The following MYO5A variants were observed in gnomAD, a reference collection of about 807,000 sequenced individuals.
MYO5A encodes the protein myosin VA.
In MYO5A, 98 loss-of-function variants were observed where a neutral mutation model predicts 249.7. The ratio of observed to expected loss-of-function variants is 0.39; its 90% confidence interval spans 0.33 to 0.46. The LOEUF is 0.46. Among genes scored for constraint, MYO5A ranks in the 20% least tolerant of loss-of-function variants. The probability of loss-of-function intolerance (pLI) is 0.98; values close to 1 mark genes in which losing one functional copy is unlikely to be tolerated. For missense variants in MYO5A, 1,696 were observed against 2,308.8 expected, an observed-to-expected ratio of 0.73 and a Z score of 5.44; for synonymous variants, 778 against 810.6, an observed-to-expected ratio of 0.96 and a Z score of 0.68.
At chr15:52,515,832 G>A (rs556785456) in intron 1 of MYO5A, among the ~76,000 whole-genome samples, 54 of 152,256 alleles carry the variant, frequency 3.5e-4, no homozygotes, top group African/African-American at 1.3e-3. Flanking sequence ...AGGCCACAGT[G>A]GGAGGGAGTG....
At chr15:52,522,836 T>C (rs890542904) in intron 1 of MYO5A, among the ~76,000 whole-genome samples, 3 of 48,312 alleles carry the variant, frequency 6.2e-5, no homozygotes, top group Non-Finnish European at 1.8e-4. Context: ...TTCTCTTTCA[T>C]TATTTAAAAA....
In MYO5A at chr15:52,476,359, G is replaced by A. The variant is rs192785619; in HGVS notation, c.28-43074C>T. 4.5e-4 allele frequency among the ~76,000 whole-genome samples: 69 copies of A among 152,246 alleles called. 1 individual carries two copies. In the East Asian group the frequency reaches 7.1e-3, roughly 16 times the overall value. On this transcript the variant is annotated intron_variant, in intron 1 of 41. Coordinates refer to ENST00000399233, the MANE Select transcript of MYO5A (RefSeq NM_001382347.1). ...GACTCTTTATCAAATTTGCCAGTCT[G>A]TGTCTTTTAATTGGAGCATTTAGCC...
At chr15:52,439,084 G>A (rs997597277) in intron 1 of MYO5A, among the ~76,000 whole-genome samples, 4 of 152,172 alleles carry the variant, frequency 2.6e-5, no homozygotes, top group African/African-American at 9.7e-5. Flanking sequence ...CGTGACCCAC[G>A]GCTTCTAATA....
chr15:52,358,101 C>T (rs2040336423), intron 25 of MYO5A, among the ~76,000 whole-genome samples: 2 of 152,192 alleles, frequency 1.3e-5, no homozygotes, highest in African/African-American at 4.8e-5. Flanking sequence ...AGGAGGAGCA[C>T]TGGTTCCAAA....
At position 52,370,040 on chromosome 15, in the gene MYO5A, A is replaced by G. The variant is rs543342469; in HGVS notation, c.3066+129T>C. On this transcript the variant is annotated intron_variant, in intron 22 of 41. Transcript: ENST00000399233. ...AAATGCTTGGGAAACAGTAATAATG[A>G]ACAGTAATTCAACTAAAATTTGTAC... 335 of 1,208,518 alleles carry G rather than the reference A, an allele frequency of 2.8e-4. 5 individuals are homozygous for G. The South Asian group carries it at 4.0e-3, about 15-fold the overall frequency. The allele number at this position is 1,208,518 out of a possible 1,614,324, so 74.9% of individuals were successfully genotyped here.
intron 18 of MYO5A, among the ~76,000 whole-genome samples, chr15:52,377,773 A>T (rs1386033062): frequency 6.6e-6 from 1 of 151,678 alleles, no homozygotes; most frequent in Non-Finnish European, 1.5e-5. Context: ...GTTTCACCAT[A>T]TTGGCCAGGG....
intron 30 of MYO5A, among the ~76,000 whole-genome samples, chr15:52,343,604 A>AC (rs1161584906): frequency 6.6e-6 from 1 of 152,148 alleles, no homozygotes; most frequent in African/African-American, 2.4e-5. Context: ...ACTTCATAAT[A>AC]TTTTTCAAGA....
Position 52,397,494 on chromosome 15 carries a change from A to G in MYO5A, c.1054-28T>C, listed in dbSNP as rs750632300. 3.1e-6 allele frequency: 5 copies of G among 1,610,360 alleles called. No individual in the cohort carries two copies. In the African/African-American group the frequency reaches 4.0e-5, roughly 13 times the overall value. ...GCCAAAAGATAATGAGTTATTTCCTATGACCAGATAAATCAAGTAAGAATC... is the reference window on the plus strand; with the variant it reads ...GCCAAAAGATAATGAGTTATTTCCTGTGACCAGATAAATCAAGTAAGAATC... On this transcript the variant is annotated intron_variant, in intron 9 of 41. Transcript: ENST00000399233.
chr15:52,501,892 C>CACAG (rs2077167099), intron 1 of MYO5A, among the ~76,000 whole-genome samples: 1 of 151,612 alleles, frequency 6.6e-6, no homozygotes, highest in African/African-American at 2.4e-5. Flanking sequence ...CACACACACA[C>CACAG]ACACACACAC....
rs1011867963 is a variant in MYO5A, at chr15:52,367,313, C to T, written c.3067-189G>A. On this transcript the variant is annotated intron_variant, in intron 22 of 41. Transcript: ENST00000399233. ...CCCTCCCAAGAGCCTTCCTGAAACCCCCTTCAATTAGCTGTCTTTTCCCTG... is the reference window on the plus strand; with the variant it reads ...CCCTCCCAAGAGCCTTCCTGAAACCTCCTTCAATTAGCTGTCTTTTCCCTG... Among the ~76,000 whole-genome samples, 4 of 152,296 alleles carry T rather than the reference C, an allele frequency of 2.6e-5. No homozygotes were observed. The East Asian group carries it at 7.7e-4, about 29-fold the overall frequency.
chr15:52,331,960 G>T, intron 34 of MYO5A: 1 of 773,358 alleles, frequency 1.3e-6, no homozygotes. Flanking sequence ...ATTCTTCCAT[G>T]CAAGAGAAAA....
At chr15:52,363,534 CT>C (rs1436259898) in intron 24 of MYO5A, among the ~76,000 whole-genome samples, 1 of 152,172 alleles carries the variant, frequency 6.6e-6, no homozygotes, top group Non-Finnish European at 1.5e-5. Context: ...TACACAATCT[CT>C]TTTATTTTGA....
intron 1 of MYO5A, among the ~76,000 whole-genome samples, chr15:52,468,827 G>T (rs944019950): frequency 6.6e-6 from 1 of 152,158 alleles, no homozygotes; most frequent in African/African-American, 2.4e-5. Flanking sequence ...GAGCAATTTG[G>T]TAATTTCTTC....
At chr15:52,453,004 C>T (rs1595711530) in intron 1 of MYO5A, among the ~76,000 whole-genome samples, 1 of 151,894 alleles carries the variant, frequency 6.6e-6, no homozygotes, top group African/African-American at 2.4e-5. Context: ...AAGGCTTATT[C>T]AAAGAAATAT....
At chr15:52,483,538 C>A (rs1412479598) in intron 1 of MYO5A, among the ~76,000 whole-genome samples, 3 of 149,214 alleles carry the variant, frequency 2.0e-5, no homozygotes, top group African/African-American at 7.3e-5. Context: ...ACAACAACAA[C>A]AACAAAAAAC....
intron 30 of MYO5A, among the ~76,000 whole-genome samples, chr15:52,343,849 GTAATGA>G (rs1415971044): frequency 6.6e-6 from 1 of 152,134 alleles, no homozygotes; most frequent in East Asian, 1.9e-4. Flanking sequence ...CGTATAATTA[GTAATGA>G]TAATGTTAGT....
intron 11 of MYO5A, 57 bp from the exon 12 acceptor site, chr15:52,392,127 G>C: frequency 6.6e-7 from 1 of 1,517,854 alleles, no homozygotes; most frequent in Admixed American, 1.7e-5. Context: ...AAAGAATGTA[G>C]TCAAGATGAT....
At chr15:52,427,169 G>T (rs1355789445) in intron 3 of MYO5A, among the ~76,000 whole-genome samples, 3 of 151,864 alleles carry the variant, frequency 2.0e-5, no homozygotes, top group Non-Finnish European at 4.4e-5. Context: ...TATTTCCTAA[G>T]AATTTTTCTG....
chr15:52,367,201 C>T lies in MYO5A; in HGVS notation c.3067-77G>A. 1.3e-5 allele frequency: 17 copies of T among 1,264,092 alleles called. 1 individual carries two copies. The South Asian group carries it at 1.8e-4, about 13-fold the overall frequency. 78.3% of individuals were successfully genotyped at this position (1,264,092 alleles called of 1,614,324 possible). On this transcript the variant is annotated intron_variant, in intron 22 of 41. Transcript: ENST00000399233. ...GATGACCAAGGATAAAGACCATAAG[C>T]AGTCATTCCTTACTTCCACCACCTC...
Sources: allele counts gnomAD v4.1 joint callset (sites outside exome capture counted in the v4.1 genomes callset), GRCh38; gene constraint gnomAD v4.1.1; transcripts MANE v1.5; gene names NCBI Gene and HGNC (gene_info 2026-07-23, HGNC 2026-07-21).